The following WASF2 variants were observed in gnomAD, a reference collection of about 807,000 sequenced individuals.
WASF2 encodes the protein WASP family member 2.
WASF2 carries 14 observed loss-of-function variants against 45.0 expected under a neutral mutation model. That is an observed-to-expected ratio of 0.31 (90% CI 0.21 to 0.49). The LOEUF (loss-of-function observed/expected upper bound fraction) is 0.49, where lower values mean the gene tolerates loss of function less well. Ranked by LOEUF, WASF2 falls within the 20% of genes least tolerant of loss-of-function variation. WASF2 has a pLI of 0.99. For missense variants in WASF2, 439 were observed against 636.1 expected (o/e 0.69, Z 3.33); for synonymous variants, 200 against 236.3 (o/e 0.85, Z 1.41).
intron 2 of WASF2, among the ~76,000 whole-genome samples, chr1:27,421,514 A>T (rs2504767): frequency 0.76 from 115,688 of 151,944 alleles, 46,996 homozygotes; most frequent in Non-Finnish European, 0.9. Context: ...CCTGCCTCTA[A>T]TAAAATTACA....
In WASF2 at chr1:27,404,788, C is replaced by CAG. The variant is rs1479233239; in HGVS notation, c.*3400_*3401insCT. Reference sequence around the variant, plus strand: ...TAACAAAATTGTTCCCTAACCCACACTGAGGCACAGTTAAAGGGAACATGG... The same window carrying CAG: ...TAACAAAATTGTTCCCTAACCCACACAGTGAGGCACAGTTAAAGGGAACATGG... On this transcript the variant is annotated 3_prime_UTR_variant, in exon 9 of 9. Coordinates refer to ENST00000618852, the MANE Select transcript of WASF2 (RefSeq NM_006990.5). 3 of 152,376 alleles carry CAG rather than the reference C, an allele frequency of 2.0e-5. No individual in the cohort carries two copies. Among genetic ancestry groups the CAG allele is most frequent in the African/African-American group, 7.2e-5 (3 of 41,582 alleles). 9.4% of individuals were successfully genotyped at this position (152,376 alleles called of 1,614,324 possible).
intron 1 of WASF2, among the ~76,000 whole-genome samples, chr1:27,472,660 AAAAAAAAAAAAAAAG>A (rs1025652327): frequency 6.2e-5 from 9 of 145,868 alleles, no homozygotes; most frequent in African/African-American, 2.3e-4. Context: ...CAAAAAAAAA[AAAAAAAAAAAAAAAG>A]GGGAAATCAG....
At chr1:27,472,059 G>A (rs893805100) in intron 1 of WASF2, among the ~76,000 whole-genome samples, 1 of 152,130 alleles carries the variant, frequency 6.6e-6, no homozygotes, top group Non-Finnish European at 1.5e-5. Flanking sequence ...AGGGCCAGGC[G>A]CGGTGGCTTA....
chr1:27,473,884 C>G (rs535527546), intron 1 of WASF2, among the ~76,000 whole-genome samples: 2 of 152,234 alleles, frequency 1.3e-5, no homozygotes, highest in Non-Finnish European at 2.9e-5. Flanking sequence ...TGGGAACCAA[C>G]TCTGGGCAGG....
At chr1:27,439,715 T>G (rs1011789019) in intron 1 of WASF2, among the ~76,000 whole-genome samples, 1 of 152,176 alleles carries the variant, frequency 6.6e-6, no homozygotes, top group Non-Finnish European at 1.5e-5. Flanking sequence ...AGATCTGAAC[T>G]GGGGCTGGGT....
intron 1 of WASF2, among the ~76,000 whole-genome samples, chr1:27,448,397 AAG>A (rs1441172774): frequency 2.0e-5 from 3 of 152,238 alleles, no homozygotes; most frequent in African/African-American, 7.2e-5. Context: ...CTGAAGAATA[AAG>A]AGAGTTCCAA....
intron 2 of WASF2, among the ~76,000 whole-genome samples, chr1:27,425,130 T>C (rs1455187061): frequency 1.3e-5 from 2 of 152,200 alleles, no homozygotes; most frequent in African/African-American, 4.8e-5. Context: ...TCTCGCCCTG[T>C]TGGCCAGTGC....
intron 1 of WASF2, among the ~76,000 whole-genome samples, chr1:27,456,972 C>G (rs1200946887): frequency 1.3e-5 from 2 of 151,936 alleles, no homozygotes; most frequent in African/African-American, 4.8e-5. Context: ...AAACTCCTGA[C>G]CTCAGGTGAT....
In WASF2 at chr1:27,407,805, C is replaced by T. The variant is rs543371028; in HGVS notation, c.*384G>A. On this transcript the variant is annotated 3_prime_UTR_variant, in exon 9 of 9. Transcript: ENST00000618852. Reference sequence around the variant, plus strand: ...TTAGAACCAGAAGGTGGCTGGCATTCGAAGTGGCTGAGGGCACAGGTTTTA... The same window carrying T: ...TTAGAACCAGAAGGTGGCTGGCATTTGAAGTGGCTGAGGGCACAGGTTTTA... 7 of 174,604 alleles carry T rather than the reference C, an allele frequency of 4.0e-5. No individual in the cohort carries two copies. Among genetic ancestry groups the T allele is most frequent in the Non-Finnish European group, 7.3e-5 (6 of 82,324 alleles). The allele number at this position is 174,604 out of a possible 1,614,324, so 10.8% of individuals were successfully genotyped here.
chr1:27,461,483 C>T (rs1169688438), intron 1 of WASF2, among the ~76,000 whole-genome samples: 8 of 138,324 alleles, frequency 5.8e-5, no homozygotes, highest in Admixed American at 2.2e-4. Flanking sequence ...TTTTTTGAGA[C>T]GGAGTCTCGC....
intron 5 of WASF2, 33 bp downstream of exon 5, chr1:27,415,952 T>G: frequency 6.5e-7 from 1 of 1,543,980 alleles, no homozygotes; most frequent in South Asian, 1.1e-5. Flanking sequence ...TCGTGCCTAC[T>G]GATGTGGAGA....
chr1:27,472,245 A>T (rs2017699194), intron 1 of WASF2, among the ~76,000 whole-genome samples: 1 of 151,168 alleles, frequency 6.6e-6, no homozygotes, highest in Non-Finnish European at 1.5e-5. Context: ...GAATTGCTTC[A>T]GCCCAGGAGA....
chr1:27,428,035 T>A (rs950389434), intron 2 of WASF2, among the ~76,000 whole-genome samples: 3 of 152,062 alleles, frequency 2.0e-5, no homozygotes, highest in Admixed American at 1.3e-4. Context: ...ATTAAAAAAA[T>A]ATATATAGTT....
rs1479431314 is a variant in WASF2 at position 27,407,984 on chromosome 1, C to G, written c.*205G>C. On this transcript the variant is annotated 3_prime_UTR_variant, in exon 9 of 9. Transcript: ENST00000618852. ...TCCCAGCTACTGAACCTCAGGAGCC[C>G]CACAGGGCCTGAAAATGGGGAGAGG... 1.9e-6 allele frequency: 1 copy of G among 538,560 alleles called. No homozygotes were observed. Among genetic ancestry groups the G allele is most frequent in the African/African-American group, 1.9e-5 (1 of 51,858 alleles). 33.4% of individuals were successfully genotyped at this position (538,560 alleles called of 1,614,324 possible).
At chr1:27,419,112 T>C (rs1343412671) in intron 2 of WASF2, 24 bp from the exon 3 acceptor site, 1 of 1,612,280 alleles carries the variant, frequency 6.2e-7, no homozygotes, top group Non-Finnish European at 8.5e-7. Context: ...AGAAACCAAG[T>C]CACTAGTGCA....
Position 27,410,286 on chromosome 1 carries a change from C to T in WASF2, c.825-80G>A, listed in dbSNP as rs564589481. The stretch of plus-strand genomic sequence containing the variant: ...TCTACAGTTAGCCTTGTCTACAGAC[C>T]GAGGTTTATCTTGGTTGACTATACC... On this transcript the variant is annotated intron_variant, in intron 7 of 8. Coordinates refer to ENST00000618852, the MANE Select transcript of WASF2 (RefSeq NM_006990.5). This position sits in a 1 kb window ranked among gnomAD's most constrained non-coding sequence, Gnocchi z 4.2. The T allele has an allele frequency of 1.6e-4, 250 of 1,564,888 alleles. No individual in the cohort carries two copies. The highest frequency in any genetic ancestry group is 9.8e-5 in the Non-Finnish European group (113 of 1,149,582).
At chr1:27,452,196 TTAGAGA>T (rs1339905415) in intron 1 of WASF2, among the ~76,000 whole-genome samples, 1 of 152,212 alleles carries the variant, frequency 6.6e-6, no homozygotes, top group African/African-American at 2.4e-5. Context: ...TTAAAATTAT[TTAGAGA>T]TATAGTTTTT....
chr1:27,488,378 G>A (rs1333822214), intron 1 of WASF2, among the ~76,000 whole-genome samples: 1 of 152,130 alleles, frequency 6.6e-6, no homozygotes, highest in Non-Finnish European at 1.5e-5. Context: ...ATCAGAGGTG[G>A]GCTATTGAAC....
Position 27,435,465 on chromosome 1 carries a change from A to G in WASF2, c.-43-6532T>C, listed in dbSNP as rs564743499. On this transcript the variant is annotated intron_variant, in intron 1 of 8. Transcript: ENST00000618852. The stretch of plus-strand genomic sequence containing the variant: ...GCTGGGTGTGTGGTGCTACATGCCT[A>G]TAGTCTCAGCTACTTGGGAAGCTGA... Among the ~76,000 whole-genome samples the G allele has an allele frequency of 1.5e-3, 226 of 152,168 alleles. 1 individual carries two copies. The highest frequency in any genetic ancestry group is 4.9e-3 in the African/African-American group (205 of 41,516).
Sources: gnomAD v4.1 joint callset for allele counts (sites outside exome capture counted in the v4.1 genomes callset) on GRCh38, gnomAD v4.1.1 for gene constraint, Gnocchi (gnomAD v3.1) non-coding constraint, MANE v1.5 for transcripts, NCBI Gene and HGNC (gene_info 2026-07-23, HGNC 2026-07-21) for gene names.